The following ADAMTS2 variants were observed in gnomAD, a reference collection of about 807,000 sequenced individuals.
The protein encoded by ADAMTS2 is ADAM metallopeptidase with thrombospondin type 1 motif 2, also known as A disintegrin and metalloproteinase with thrombospondin motifs 2.
ADAMTS2 carries 50 observed loss-of-function variants against 123.0 expected under a neutral mutation model. The observed-to-expected ratio is 0.41, with a 90% CI of 0.32 to 0.51. The LOEUF (loss-of-function observed/expected upper bound fraction) is 0.51. Ranked by LOEUF, ADAMTS2 falls within the 20% of genes least tolerant of loss-of-function variation. The pLI, the probability that ADAMTS2 is intolerant of heterozygous loss-of-function variation, is 0.35. For missense variants in ADAMTS2, 1,494 were observed against 1,705.2 expected (o/e 0.88, Z 2.18); for synonymous variants, 678 against 695.4 (o/e 0.98, Z 0.39).
Position 179,110,914 on chromosome 5 carries a change from TAC to T in ADAMTS2, c.*2951_*2952del, listed in dbSNP as rs199725515. 1 of 152,094 alleles carries T rather than the reference TAC, an allele frequency of 6.6e-6. No homozygotes were observed. The highest frequency in any genetic ancestry group is 1.5e-5 in the Non-Finnish European group (1 of 68,012). The allele number at this position is 152,094 out of a possible 1,614,324, so 9.4% of individuals were successfully genotyped here. A position where few individuals can be genotyped will look rare whatever the true frequency, so the allele number is the denominator to read the frequency against. On this transcript the variant is annotated 3_prime_UTR_variant, in exon 22 of 22. Coordinates refer to ENST00000251582, the MANE Select transcript of ADAMTS2 (RefSeq NM_014244.5). ...GTTATAAAAGTAAGGAGTCAAATTT[TAC>T]ATTACAGAACAAAGATGTATTGGTT...
Position 179,155,906 on chromosome 5 carries a change from G to A in ADAMTS2, c.1133-987C>T, listed in dbSNP as rs2070884474. Among the ~76,000 whole-genome samples the A allele has an allele frequency of 6.6e-6, 1 of 152,118 alleles. No homozygotes were observed. The highest frequency in any genetic ancestry group is 2.4e-5 in the African/African-American group (1 of 41,430). On this transcript the variant is annotated intron_variant, in intron 6 of 21. Coordinates refer to ENST00000251582, the MANE Select transcript of ADAMTS2 (RefSeq NM_014244.5). This position sits in a 1 kb window ranked among gnomAD's most constrained non-coding sequence, Gnocchi z 5.1. ...ACAGAGAAGGGAAGGAGGGCCACTG[G>A]GACCCCGGGTGAGCTGGCGGTGTAC...
intron 3 of ADAMTS2, among the ~76,000 whole-genome samples, chr5:179,235,851 C>A (rs1002240142): frequency 2.6e-5 from 4 of 152,194 alleles, no homozygotes; most frequent in Admixed American, 6.5e-5. Flanking sequence ...CCAACAGTGC[C>A]CCCACCCTCA....
At chr5:179,246,040 A>G (rs920834760) in intron 3 of ADAMTS2, among the ~76,000 whole-genome samples, 2 of 152,180 alleles carry the variant, frequency 1.3e-5, no homozygotes, top group African/African-American at 4.8e-5. Flanking sequence ...AGAAACCTAC[A>G]ACAACCAGGG....
rs1762926170 is a variant in ADAMTS2 at position 179,129,712 on chromosome 5, A to G, written c.2457+220T>C. On this transcript the variant is annotated intron_variant, in intron 16 of 21. Coordinates refer to ENST00000251582, the MANE Select transcript of ADAMTS2 (RefSeq NM_014244.5). This position sits in a 1 kb window ranked among gnomAD's most constrained non-coding sequence, Gnocchi z 4.1. ...AACCCTCAAAGGGAGAGTGTGCCCAAGGTCACCTAGGGGTCATGTGGGGTC... is the reference window on the plus strand; with the variant it reads ...AACCCTCAAAGGGAGAGTGTGCCCAGGGTCACCTAGGGGTCATGTGGGGTC... Among the ~76,000 whole-genome samples, 1 of 152,164 alleles carries G rather than the reference A, an allele frequency of 6.6e-6. No individual in the cohort carries two copies. The highest frequency in any genetic ancestry group is 6.5e-5 in the Admixed American group (1 of 15,280).
Position 179,126,127 on chromosome 5 carries a change from G to T in ADAMTS2, c.2621C>A (p.Ser874Tyr), listed in dbSNP as rs751897300. 1.2e-6 allele frequency: 2 copies of T among 1,613,258 alleles called. No homozygotes were observed. The highest frequency in any genetic ancestry group is 2.2e-5 in the South Asian group (2 of 91,082). ...SPCSKPCGGG[S>Y]QFTKYGCRRR... ...GCGGCAGCCATACTTGGTGAACTGG[G>T]ACCCTGAAGGCAGAGAGCTCGACGG... The change falls in exon 18 of 22, where the codon TCC becomes TAC. Residue 874 changes from serine to tyrosine, a missense_variant. Transcript: ENST00000251582.
At position 179,132,885 on chromosome 5, in the gene ADAMTS2, C is replaced by G; in HGVS notation, c.2101G>C (p.Gly701Arg). The G allele has an allele frequency of 6.2e-7, 1 of 1,613,812 alleles. No homozygotes were observed. Among genetic ancestry groups the G allele is most frequent in the Non-Finnish European group, 8.5e-7 (1 of 1,179,928 alleles). The change falls in exon 14 of 22, where the codon GGT (glycine) becomes CGT (arginine). Residue 701 changes from glycine (G) to arginine (R), a missense_variant. By Grantham distance (125) the Gly-to-Arg change is moderately radical (BLOSUM62 -2). Transcript: ENST00000251582. The surrounding 1 kb of genome is among the most constrained non-coding windows in gnomAD (Gnocchi z 6.1). ...TCCTGCTTGCTGGAGCCGATCACAC[C>G]GTCACAGCCCACCTTCTGTTGGGGG... ...RGDCRKVGCD[G>R]VIGSSKQEDK...
intron 11 of ADAMTS2, among the ~76,000 whole-genome samples, chr5:179,138,735 T>TGCTGAGGGAGGCTGTCCC (rs1763108083): frequency 6.6e-6 from 1 of 152,200 alleles, no homozygotes; most frequent in Admixed American, 6.5e-5. Flanking sequence ...TCACACGTGC[T>TGCTGAGGGAGGCTGTCCC]GCTGAGGGAG....
intron 3 of ADAMTS2, among the ~76,000 whole-genome samples, chr5:179,252,887 C>T (rs958763199): frequency 6.6e-6 from 1 of 152,206 alleles, no homozygotes; most frequent in Non-Finnish European, 1.5e-5. Flanking sequence ...GTCAATTTCT[C>T]TATTTCTAAC....
intron 8 of ADAMTS2, 72 bp downstream of exon 8, chr5:179,153,977 G>C: frequency 6.5e-7 from 1 of 1,539,176 alleles, no homozygotes. Flanking sequence ...CTGGTGCATG[G>C]GGACTTGCAC....
chr5:179,187,206 A>G (rs548982644), intron 4 of ADAMTS2, among the ~76,000 whole-genome samples: 66 of 152,300 alleles, frequency 4.3e-4, no homozygotes, highest in Non-Finnish European at 5.1e-4. Context: ...CCTAAAAAAT[A>G]TATCTCAAAG....
chr5:179,223,365 C>T (rs1765175732), intron 3 of ADAMTS2, among the ~76,000 whole-genome samples: 1 of 125,528 alleles, frequency 8.0e-6, no homozygotes, highest in African/African-American at 2.7e-5. Flanking sequence ...CACTCAGACA[C>T]TCACAAACAC....
In ADAMTS2 at chr5:179,153,441, C is replaced by A. The variant is rs201194220; in HGVS notation, c.1515+50G>T. 363 of 1,599,818 alleles carry A rather than the reference C, an allele frequency of 2.3e-4. 2 individuals carry two copies. The African/African-American group carries it at 4.5e-3, about 20-fold the overall frequency. On this transcript the variant is annotated intron_variant, in intron 9 of 21. Transcript: ENST00000251582. ...CCCGGGAGCTGCCCCTACACCAGCA[C>A]GCCTCCCCCCAGACCTGGGAGGGTC...
chr5:179,116,270 C>CCA (rs1762658103), intron 21 of ADAMTS2, among the ~76,000 whole-genome samples: 1 of 111,220 alleles, frequency 9.0e-6, no homozygotes, highest in South Asian at 4.4e-4. Flanking sequence ...ACCCCCCCCC[C>CCA]ACCCCCCGCC....
intron 5 of ADAMTS2, among the ~76,000 whole-genome samples, chr5:179,161,007 C>T (rs550921842): frequency 6.6e-5 from 10 of 152,294 alleles, no homozygotes; most frequent in Admixed American, 2.6e-4. Flanking sequence ...CCGAATCCTC[C>T]GCCAACCCAC....
Position 179,185,035 on chromosome 5 carries a change from C to G in ADAMTS2, c.892-3880G>C, listed in dbSNP as rs145305641. On this transcript the variant is annotated intron_variant, in intron 4 of 21. Transcript: ENST00000251582. This position sits in a 1 kb window ranked among gnomAD's most constrained non-coding sequence, Gnocchi z 5.9. The stretch of plus-strand genomic sequence containing the variant: ...ATGGCGCTCCTGGCAGAGGAGGCAG[C>G]CCATGCAAACCTCCCAGGGTTGGAA... Among the ~76,000 whole-genome samples, 829 of 152,248 alleles carry G rather than the reference C, an allele frequency of 5.4e-3. 6 individuals carry two copies. Among genetic ancestry groups the G allele is most frequent in the African/African-American group, 0.019 (799 of 41,532 alleles).
At chr5:179,329,306 A>G (rs375544496) in intron 2 of ADAMTS2, among the ~76,000 whole-genome samples, 185 of 150,370 alleles carry the variant, frequency 1.2e-3, no homozygotes, top group Middle Eastern at 3.4e-3. Context: ...CAGCCTGGGC[A>G]ACAGAGTGAG....
Position 179,297,944 on chromosome 5 carries a change from G to A in ADAMTS2, c.535-24880C>T, listed in dbSNP as rs1422474892. Among the ~76,000 whole-genome samples the A allele has an allele frequency of 2.0e-5, 3 of 152,190 alleles. No homozygotes were observed. The South Asian group carries it at 6.2e-4, about 32-fold the overall frequency. On this transcript the variant is annotated intron_variant, in intron 2 of 21. Transcript: ENST00000251582. ...CCCTCACAGCCCTTCTCAGCAGGCTGGCCTCTGCTGCTCCCTCCCACGCAC... is the reference window on the plus strand; with the variant it reads ...CCCTCACAGCCCTTCTCAGCAGGCTAGCCTCTGCTGCTCCCTCCCACGCAC...
In ADAMTS2 at chr5:179,158,348, T is replaced by C. The variant is rs1763525410; in HGVS notation, c.1132+375A>G. Among the ~76,000 whole-genome samples the C allele has an allele frequency of 6.6e-6, 1 of 152,160 alleles. No homozygotes were observed. The highest frequency in any genetic ancestry group is 6.5e-5 in the Admixed American group (1 of 15,286). On this transcript the variant is annotated intron_variant, in intron 6 of 21. Coordinates refer to ENST00000251582, the MANE Select transcript of ADAMTS2 (RefSeq NM_014244.5). The surrounding 1 kb of genome is among the most constrained non-coding windows in gnomAD (Gnocchi z 5.0). ...CGTTATCTTCTTTCATTATTTTGCG[T>C]TTCTTATTTAGACCTAAAATCCATG...
intron 2 of ADAMTS2, among the ~76,000 whole-genome samples, chr5:179,339,364 A>G (rs771437238): frequency 1.3e-5 from 2 of 152,180 alleles, no homozygotes; most frequent in Non-Finnish European, 2.9e-5. Context: ...GTGGAGAGCA[A>G]TTCTGAAATG....
Sources: allele counts gnomAD v4.1 joint callset (sites outside exome capture counted in the v4.1 genomes callset), GRCh38; gene constraint gnomAD v4.1.1; non-coding constraint Gnocchi (gnomAD v3.1); transcripts MANE v1.5; gene names NCBI Gene and HGNC (gene_info 2026-07-23, HGNC 2026-07-21).